Variants in SIL1 observed in about 807,000 individuals in gnomAD.
SIL1 encodes the protein nucleotide exchange factor SIL1.
A neutral mutation model predicts 49.1 loss-of-function variants in SIL1; 40 were observed. The observed-to-expected ratio is 0.81, with a 90% CI of 0.63 to 1.06. The LOEUF is 1.06. Ranked by LOEUF, SIL1 falls within the 50% of genes least tolerant of loss-of-function variation. The pLI is 0.00. For synonymous variants in SIL1, 253 were observed against 250.8 expected (o/e 1.01, Z -0.08); for missense variants, 500 against 572.6 (o/e 0.87, Z 1.29).
intron 4 of SIL1, among the ~76,000 whole-genome samples, chr5:139,046,372 G>C (rs775136738): frequency 1.2e-4 from 18 of 152,066 alleles, no homozygotes; most frequent in Non-Finnish European, 2.4e-4. Flanking sequence ...TACAATTAAA[G>C]GTGAATGAAG....
chr5:139,022,061 G>T (rs1768541477), intron 6 of SIL1: 1 of 152,636 alleles, frequency 6.6e-6, no homozygotes, highest in African/African-American at 2.4e-5. Context: ...ATTACCCACA[G>T]TTTATTAGTA....
rs1769903103 is a variant in SIL1 at position 139,074,558 on chromosome 5, A to G, written c.245-23512T>C. ...AGGGGCCTTGCACAAATGCAAATCA[A>G]CGAACAAGATGCTGAGTTCAACCTC... On this transcript the variant is annotated intron_variant, in intron 3 of 9. Coordinates refer to ENST00000394817, the MANE Select transcript of SIL1 (RefSeq NM_022464.5). Among the ~76,000 whole-genome samples, 4 of 152,248 alleles carry G rather than the reference A, an allele frequency of 2.6e-5. No homozygotes were observed. In the South Asian group the frequency reaches 8.3e-4, roughly 32 times the overall value.
chr5:138,953,022 G>C (rs1317882682), intron 7 of SIL1, among the ~76,000 whole-genome samples: 1 of 152,230 alleles, frequency 6.6e-6, no homozygotes, highest in Non-Finnish European at 1.5e-5. Flanking sequence ...GCACACAAAA[G>C]CCTGAGGCCA....
intron 7 of SIL1, among the ~76,000 whole-genome samples, chr5:139,004,599 T>A (rs192655285): frequency 2.6e-5 from 4 of 152,236 alleles, no homozygotes; most frequent in African/African-American, 9.6e-5. Flanking sequence ...TCTAGTTTAC[T>A]TAATTACTCT....
At chr5:139,092,325 C>T (rs759167038) in intron 3 of SIL1, among the ~76,000 whole-genome samples, 1 of 152,106 alleles carries the variant, frequency 6.6e-6, no homozygotes, top group Non-Finnish European at 1.5e-5. Context: ...AAAAAGGGAG[C>T]CCATTATTTG....
intron 1 of SIL1, among the ~76,000 whole-genome samples, chr5:139,136,898 A>T (rs185045050): frequency 6.6e-6 from 1 of 152,342 alleles, no homozygotes; most frequent in Non-Finnish European, 1.5e-5. Flanking sequence ...CTACCCCACA[A>T]CACACATGAC....
At chr5:139,021,734 T>G in intron 6 of SIL1, 1 of 243,094 alleles carries the variant, frequency 4.1e-6, no homozygotes, top group Non-Finnish European at 8.1e-6. Context: ...AATTAGAAGC[T>G]AGGGACTATA....
At chr5:139,056,793 G>A (rs34420254) in intron 3 of SIL1, among the ~76,000 whole-genome samples, 39,115 of 151,130 alleles carry the variant, frequency 0.26, 5,891 homozygotes, top group Middle Eastern at 0.39. Flanking sequence ...CCCTCTGCCC[G>A]GCCACCACCC....
chr5:138,994,997 T>C (rs1160908878), intron 7 of SIL1, among the ~76,000 whole-genome samples: 1 of 152,216 alleles, frequency 6.6e-6, no homozygotes, highest in African/African-American at 2.4e-5. Context: ...TTGCTGAGGA[T>C]AATGGCTTCG....
At chr5:139,141,968 T>A (rs1018462762) in intron 1 of SIL1, among the ~76,000 whole-genome samples, 1 of 152,168 alleles carries the variant, frequency 6.6e-6, no homozygotes, top group Non-Finnish European at 1.5e-5. Context: ...CATACACTCA[T>A]CAGCCAAAGG....
intron 1 of SIL1, among the ~76,000 whole-genome samples, chr5:139,168,827 C>T (rs1304998698): frequency 2.0e-5 from 3 of 151,834 alleles, no homozygotes; most frequent in Non-Finnish European, 4.4e-5. Flanking sequence ...GTGGGCCTGA[C>T]GGCACGTGTC....
intron 7 of SIL1, among the ~76,000 whole-genome samples, chr5:138,968,736 T>C (rs1332487174): frequency 3.3e-5 from 5 of 152,158 alleles, no homozygotes; most frequent in Admixed American, 6.5e-5. Flanking sequence ...TAGAGCCCAA[T>C]GCCCAGCATG....
intron 1 of SIL1, among the ~76,000 whole-genome samples, chr5:139,152,126 G>T (rs1581136288): frequency 1.3e-5 from 2 of 152,328 alleles, no homozygotes; most frequent in Admixed American, 1.3e-4. Context: ...CTCGGCAATG[G>T]TGCCTTGGGC....
intron 1 of SIL1, among the ~76,000 whole-genome samples, chr5:139,184,744 A>G (rs1043156064): frequency 6.6e-5 from 10 of 152,308 alleles, no homozygotes; most frequent in Admixed American, 6.5e-4. Flanking sequence ...TAAAATTTGA[A>G]AACAGTAAAA....
chr5:139,180,722 C>T (rs1169408363), intron 1 of SIL1, among the ~76,000 whole-genome samples: 1 of 152,178 alleles, frequency 6.6e-6, no homozygotes, highest in Non-Finnish European at 1.5e-5. Context: ...CAAAATGAGA[C>T]CACAGTGATG....
chr5:139,112,017 GTATT>G (rs1770857904), intron 3 of SIL1, among the ~76,000 whole-genome samples: 2 of 152,224 alleles, frequency 1.3e-5, no homozygotes, highest in Admixed American at 1.3e-4. Flanking sequence ...ACTGGTTTTC[GTATT>G]TTTTTGCTGG....
At chr5:139,079,185 C>A (rs1470132528) in intron 3 of SIL1, among the ~76,000 whole-genome samples, 2 of 152,168 alleles carry the variant, frequency 1.3e-5, no homozygotes, top group African/African-American at 4.8e-5. Flanking sequence ...CTTTGAGAGG[C>A]ATGGTGGGCA....
At chr5:139,091,410 C>T (rs1770339791) in intron 3 of SIL1, among the ~76,000 whole-genome samples, 1 of 151,866 alleles carries the variant, frequency 6.6e-6, no homozygotes, top group Non-Finnish European at 1.5e-5. Context: ...CAGATATAAA[C>T]AGGCAGGTCA....
intron 9 of SIL1, among the ~76,000 whole-genome samples, chr5:138,950,552 A>G (rs1580975241): frequency 6.6e-6 from 1 of 152,178 alleles, no homozygotes; most frequent in Non-Finnish European, 1.5e-5. Flanking sequence ...GTGTGGCCCG[A>G]GAGAGGCAAC....
Sources: gnomAD v4.1 joint callset for allele counts (sites outside exome capture counted in the v4.1 genomes callset) on GRCh38, gnomAD v4.1.1 for gene constraint, MANE v1.5 for transcripts, NCBI Gene and HGNC (gene_info 2026-07-23, HGNC 2026-07-21) for gene names.